HIBCH: variants seen among roughly 807,000 people sequenced by gnomAD.
The protein encoded by HIBCH is 3-hydroxyisobutyryl-CoA hydrolase.
In HIBCH, 50 loss-of-function variants were observed where a neutral mutation model predicts 58.2. The observed-to-expected ratio is 0.86, with a 90% confidence interval of 0.68 to 1.09. HIBCH has a LOEUF of 1.09. HIBCH is among the 50% of genes least tolerant of loss of function. The pLI, the probability that HIBCH is intolerant of heterozygous loss-of-function variation, is 0.00. For missense variants in HIBCH, 450 were observed against 449.7 expected (o/e 1.00, Z -0.01); for synonymous variants, 151 against 146.9 (o/e 1.03, Z -0.20).
chr2:190,305,142 G>A (rs765639704), intron 2 of HIBCH, among the ~76,000 whole-genome samples: 3 of 152,166 alleles, frequency 2.0e-5, no homozygotes, highest in Admixed American at 6.5e-5. Context: ...AGAGATTAAA[G>A]AGTGATTAGG....
chr2:190,242,228 T>C (rs183499972), intron 11 of HIBCH, among the ~76,000 whole-genome samples: 192 of 151,936 alleles, frequency 1.3e-3, no homozygotes, highest in Admixed American at 6.8e-3. Flanking sequence ...TCTGATATCC[T>C]TTCTTCTGCT....
At chr2:190,193,362 A>G (rs980158752) in intron 1 of HIBCH, among the ~76,000 whole-genome samples, 15 of 152,066 alleles carry the variant, frequency 9.9e-5, no homozygotes, top group East Asian at 7.7e-4. Context: ...GTCTATGTTC[A>G]TGAGGGATAT....
rs919318729 is a variant in HIBCH, at chr2:190,204,136, C to G, written c.*981G>C. Reference sequence around the variant, plus strand: ...CTTTAAGGTTCTGAGTCTGGAATACCTTTTAGTTCTTTCATACCTTAAAAA... The same window carrying G: ...CTTTAAGGTTCTGAGTCTGGAATACGTTTTAGTTCTTTCATACCTTAAAAA... On this transcript the variant is annotated 3_prime_UTR_variant, in exon 14 of 14. Transcript: ENST00000359678. 6.6e-6 allele frequency: 1 copy of G among 151,824 alleles called. No homozygotes were observed. Among genetic ancestry groups the G allele is most frequent in the Non-Finnish European group, 1.5e-5 (1 of 67,884 alleles). The allele number at this position is 151,824 out of a possible 1,614,324, so 9.4% of individuals were successfully genotyped here.
chr2:190,214,544 C>A lies in HIBCH; in HGVS notation c.892-1469G>T, dbSNP rs1690587325. On this transcript the variant is annotated intron_variant, in intron 11 of 13. Transcript: ENST00000359678. This position sits in a 1 kb window ranked among gnomAD's most constrained non-coding sequence, Gnocchi z 5.5. ...GCTGTTTTATCTGGCCCAAAAAGCC[C>A]ATTTGTCAGCCTTTGGTCTTTTGGC... 1 of 152,154 alleles carries A rather than the reference C, an allele frequency of 6.6e-6. No homozygotes were observed. Among genetic ancestry groups the A allele is most frequent in the African/African-American group, 2.4e-5 (1 of 41,426 alleles). 9.4% of individuals were successfully genotyped at this position (152,154 alleles called of 1,614,324 possible). A position where few individuals can be genotyped will look rare whatever the true frequency, so the allele number is the denominator to read the frequency against.
At position 190,317,754 on chromosome 2, in the gene HIBCH, G is replaced by A. The variant is rs571607464; in HGVS notation, c.35+1962C>T. Among the ~76,000 whole-genome samples the A allele has an allele frequency of 5.3e-5, 8 of 152,232 alleles. No individual in the cohort carries two copies. The South Asian group carries it at 1.7e-3, about 32-fold the overall frequency. Reference sequence around the variant, plus strand: ...CTTAGGTAAGTTTGAGAATCTAGAAGAATGATAGTGCCAAGAGAGACAAAG... The same window carrying A: ...CTTAGGTAAGTTTGAGAATCTAGAAAAATGATAGTGCCAAGAGAGACAAAG... On this transcript the variant is annotated intron_variant, in intron 1 of 13. Coordinates refer to ENST00000359678, the MANE Select transcript of HIBCH (RefSeq NM_014362.4).
At chr2:190,250,661 A>G (rs562487436) in intron 8 of HIBCH, 2 of 177,980 alleles carry the variant, frequency 1.1e-5, no homozygotes, top group East Asian at 1.6e-4. Flanking sequence ...GAGACTACTC[A>G]ATGTGACTGA....
intron 7 of HIBCH, 134 bp downstream of exon 7, chr2:190,261,022 T>C (rs1224475172): frequency 1.4e-6 from 1 of 698,568 alleles, no homozygotes; most frequent in Non-Finnish European, 2.5e-6. Flanking sequence ...TCCTATTTAA[T>C]TTCTTTTTTA....
At chr2:190,252,929 C>A (rs969438779) in intron 7 of HIBCH, among the ~76,000 whole-genome samples, 1 of 152,168 alleles carries the variant, frequency 6.6e-6, no homozygotes, top group Admixed American at 6.5e-5. Flanking sequence ...TGGCTCACAC[C>A]TGTAATCTCA....
At chr2:190,245,188 T>C (rs1686570655) in intron 10 of HIBCH, 1 of 496,990 alleles carries the variant, frequency 2.0e-6, no homozygotes, top group Non-Finnish European at 3.6e-6. Context: ...TTTTATTTTT[T>C]CTTTTGCATC....
At position 190,254,480 on chromosome 2, in the gene HIBCH, T is replaced by C. The variant is rs1686868621; in HGVS notation, c.518-2173A>G. Among the ~76,000 whole-genome samples, 1 of 152,350 alleles carries C rather than the reference T, an allele frequency of 6.6e-6. No individual in the cohort carries two copies. The highest frequency in any genetic ancestry group is 2.4e-5 in the African/African-American group (1 of 41,592). On this transcript the variant is annotated intron_variant, in intron 7 of 13. Coordinates refer to ENST00000359678, the MANE Select transcript of HIBCH (RefSeq NM_014362.4). The surrounding 1 kb of genome is among the most constrained non-coding windows in gnomAD (Gnocchi z 5.0). ...CAACCAAGTTTGTGGTATTTTGTTA[T>C]GCAGCCCTAAAAGTTTAATACACTG...
chr2:190,255,529 T>TA (rs1291104817), intron 7 of HIBCH, among the ~76,000 whole-genome samples: 7 of 152,162 alleles, frequency 4.6e-5, no homozygotes, highest in Non-Finnish European at 7.3e-5. Flanking sequence ...GAAACAACTA[T>TA]AAAAACAGAC....
At chr2:190,318,392 T>C (rs1688760216) in intron 1 of HIBCH, among the ~76,000 whole-genome samples, 2 of 152,184 alleles carry the variant, frequency 1.3e-5, no homozygotes, top group African/African-American at 2.4e-5. Context: ...CTGTCAACCA[T>C]GGCCCAAGGC....
At chr2:190,239,152 G>A (rs1414716532) in intron 11 of HIBCH, among the ~76,000 whole-genome samples, 1 of 152,176 alleles carries the variant, frequency 6.6e-6, no homozygotes, top group Non-Finnish European at 1.5e-5. Flanking sequence ...AAAGTGTAAG[G>A]AAGGGGTCCA....
At chr2:190,224,584 A>C (rs993001358) in intron 11 of HIBCH, among the ~76,000 whole-genome samples, 2 of 152,346 alleles carry the variant, frequency 1.3e-5, no homozygotes, top group Middle Eastern at 3.4e-3. Flanking sequence ...AGAAGAGCTA[A>C]CTATCCTAAA....
intron 6 of HIBCH, among the ~76,000 whole-genome samples, chr2:190,266,948 G>A (rs1266850039): frequency 4.0e-5 from 6 of 151,026 alleles, no homozygotes; most frequent in African/African-American, 1.5e-4. Flanking sequence ...GTAGAGATGG[G>A]GTTTCACCAC....
chr2:190,245,665 A>G (rs898868739), intron 10 of HIBCH, among the ~76,000 whole-genome samples: 1 of 152,182 alleles, frequency 6.6e-6, no homozygotes, highest in Non-Finnish European at 1.5e-5. Context: ...ACCCAGAAAG[A>G]GAGGGAAAGA....
At position 190,279,064 on chromosome 2, in the gene HIBCH, A is replaced by T. The variant is rs1468799514; in HGVS notation, c.438+8522T>A. Among the ~76,000 whole-genome samples the T allele has an allele frequency of 6.6e-6, 1 of 152,328 alleles. No homozygotes were observed. Among genetic ancestry groups the T allele is most frequent in the East Asian group, 1.9e-4 (1 of 5,186 alleles). On this transcript the variant is annotated intron_variant, in intron 6 of 13. Coordinates refer to ENST00000359678, the MANE Select transcript of HIBCH (RefSeq NM_014362.4). The surrounding 1 kb of genome is among the most constrained non-coding windows in gnomAD (Gnocchi z 4.2). ...TTGGGAAAGCCAAGGTTGAAGGGCC[A>T]TATCTGTTGAGGGCCTTCTTGCTGG...
intron 6 of HIBCH, among the ~76,000 whole-genome samples, chr2:190,265,235 GTT>G (rs1687200693): frequency 6.6e-6 from 1 of 150,886 alleles, no homozygotes; most frequent in Non-Finnish European, 1.5e-5. Context: ...CTGTATATGA[GTT>G]TGCTGTTTCT....
intron 2 of HIBCH, among the ~76,000 whole-genome samples, chr2:190,301,638 T>A (rs900363943): frequency 1.3e-5 from 2 of 152,228 alleles, no homozygotes; most frequent in Admixed American, 1.3e-4. Flanking sequence ...ACTGTCTTAG[T>A]CCATTCCTGC....
Sources: allele counts gnomAD v4.1 joint callset (sites outside exome capture counted in the v4.1 genomes callset), GRCh38; gene constraint gnomAD v4.1.1; non-coding constraint Gnocchi (gnomAD v3.1); transcripts MANE v1.5; gene names NCBI Gene and HGNC (gene_info 2026-07-23, HGNC 2026-07-21).